MALRD1: variants seen among roughly 807,000 people sequenced by gnomAD.
MALRD1 encodes the protein MAM and LDL-receptor class A domain-containing protein 1.
MALRD1 carries 247 observed loss-of-function variants against 242.1 expected under a neutral mutation model. The observed-to-expected ratio is 1.02, with a 90% CI of 0.92 to 1.13. The LOEUF is 1.13. Ranked by LOEUF, MALRD1 falls within the 50% of genes most tolerant of loss-of-function variation. MALRD1 has a pLI of 0.00. For missense variants in MALRD1, 2,989 were observed against 2,533.1 expected (o/e 1.18, Z -3.86); for synonymous variants, 995 against 866.6 (o/e 1.15, Z -2.60).
At chr10:19,065,287 CAAAAAAA>C (rs1197670439) in intron 1 of MALRD1, among the ~76,000 whole-genome samples, 1 of 50,624 alleles carries the variant, frequency 2.0e-5, no homozygotes, top group South Asian at 1.1e-3. Flanking sequence ...AACGCTGTCT[CAAAAAAA>C]AAAAAAAAAA....
chr10:19,192,436 G>C (rs1030907870), intron 14 of MALRD1, among the ~76,000 whole-genome samples: 1 of 152,134 alleles, frequency 6.6e-6, no homozygotes, highest in Non-Finnish European at 1.5e-5. Context: ...AAGATGTAAG[G>C]AGCCACATGA....
chr10:19,087,989 A>G lies in MALRD1; in HGVS notation c.436-35A>G, dbSNP rs1382991144. ...TTTTGTCACATTTGGGGACTTCTTT[A>G]TCATAATTGTTTGGGTACTAATTGT... On this transcript the variant is annotated intron_variant, in intron 3 of 39. Coordinates refer to ENST00000454679, the MANE Select transcript of MALRD1 (RefSeq NM_001142308.3). The G allele has an allele frequency of 3.6e-5, 45 of 1,232,998 alleles. No individual in the cohort carries two copies. In the East Asian group the frequency reaches 4.1e-4, roughly 11 times the overall value. 76.4% of individuals were successfully genotyped at this position (1,232,998 alleles called of 1,614,324 possible). A position where few individuals can be genotyped will look rare whatever the true frequency, so the allele number is the denominator to read the frequency against.
At chr10:19,370,002 T>G (rs992620654) in intron 26 of MALRD1, among the ~76,000 whole-genome samples, 23 of 152,132 alleles carry the variant, frequency 1.5e-4, no homozygotes, top group African/African-American at 5.1e-4. Flanking sequence ...CACAGAGATA[T>G]TCTACTATAT....
intron 28 of MALRD1, among the ~76,000 whole-genome samples, chr10:19,418,587 G>C (rs1833599577): frequency 6.6e-6 from 1 of 152,166 alleles, no homozygotes; most frequent in East Asian, 1.9e-4. Context: ...ATGCTACACT[G>C]TTATGATCAT....
Position 19,331,731 on chromosome 10 carries a change from C to A in MALRD1, c.3901+149C>A, listed in dbSNP as rs1325369255. On this transcript the variant is annotated intron_variant, in intron 24 of 39. Transcript: ENST00000454679. ...TTTAACTTGACACATTCCCTCCTTT[C>A]TCTGAATAATTCATTTATAATCATA... The A allele has an allele frequency of 1.4e-5, 9 of 642,150 alleles. No individual in the cohort carries two copies. In the East Asian group the frequency reaches 1.9e-4, roughly 14 times the overall value. 39.8% of individuals were successfully genotyped at this position (642,150 alleles called of 1,614,324 possible).
In MALRD1 at chr10:19,124,518, G is replaced by T; in HGVS notation, c.797-6G>T. 1 of 1,233,612 alleles carries T rather than the reference G, an allele frequency of 8.1e-7. No individual in the cohort carries two copies. The highest frequency in any genetic ancestry group is 1.0e-6 in the Non-Finnish European group (1 of 988,026). 76.4% of individuals were successfully genotyped at this position (1,233,612 alleles called of 1,614,324 possible). On this transcript the variant is annotated splice_polypyrimidine_tract_variant and splice_region_variant and intron_variant, in intron 6 of 39. Coordinates refer to ENST00000454679, the MANE Select transcript of MALRD1 (RefSeq NM_001142308.3). ...TAGTCCACCAAGATCTTTTTCTCCC[G>T]TTTAGTGTGTCAGGCCTGTGGGTTT...
At chr10:19,349,161 A>T (rs773158107) in intron 25 of MALRD1, among the ~76,000 whole-genome samples, 1 of 152,120 alleles carries the variant, frequency 6.6e-6, no homozygotes, top group East Asian at 1.9e-4. Flanking sequence ...AGGTTTCACT[A>T]TGTTGCCCAG....
Position 19,327,621 on chromosome 10 carries a change from G to T in MALRD1, c.3635G>T (p.Gly1212Val), listed in dbSNP as rs943930103. The T allele has an allele frequency of 1.3e-5, 20 of 1,549,832 alleles. No homozygotes were observed. The highest frequency in any genetic ancestry group is 1.7e-5 in the Non-Finnish European group (20 of 1,146,444). ...TTGTGGGCTCAAACTGGACAGCAAGGTGCACAGTGGAAGAGAGCAGAAGTG... is the reference window on the plus strand; with the variant it reads ...TTGTGGGCTCAAACTGGACAGCAAGTTGCACAGTGGAAGAGAGCAGAAGTG... Reference protein sequence around the residue: ...SKLWAQTGQQGAQWKRAEVFL... With the variant: ...SKLWAQTGQQVAQWKRAEVFL... The change falls in exon 23 of 40, where the codon GGT becomes GTT. Residue 1212 changes from glycine (G) to valine (V), a missense_variant. By Grantham distance (109) the Gly-to-Val change is moderately radical. Coordinates refer to ENST00000454679, the MANE Select transcript of MALRD1 (RefSeq NM_001142308.3).
At chr10:19,673,248 A>G (rs1414984201) in intron 36 of MALRD1, among the ~76,000 whole-genome samples, 1 of 151,972 alleles carries the variant, frequency 6.6e-6, no homozygotes, top group African/African-American at 2.4e-5. Context: ...TTAACCGGGC[A>G]TGGTGGCGGG....
chr10:19,192,288 C>T (rs1289803885), intron 14 of MALRD1, among the ~76,000 whole-genome samples: 1 of 152,140 alleles, frequency 6.6e-6, no homozygotes, highest in African/African-American at 2.4e-5. Flanking sequence ...AATATGAAAG[C>T]ACTTAATACT....
At chr10:19,719,244 A>ATATATATG (rs1554830472) in intron 38 of MALRD1, among the ~76,000 whole-genome samples, 3,018 of 96,842 alleles carry the variant, frequency 0.031, 289 homozygotes, top group African/African-American at 0.085. Context: ...ATATATATAT[A>ATATATATG]TATATATATA....
chr10:19,460,506 A>G (rs1835887973), intron 29 of MALRD1, among the ~76,000 whole-genome samples: 1 of 152,080 alleles, frequency 6.6e-6, no homozygotes, highest in African/African-American at 2.4e-5. Flanking sequence ...TGTTTTGAAT[A>G]ATATGAAAAG....
At chr10:19,320,245 A>G (rs907996684) in intron 21 of MALRD1, among the ~76,000 whole-genome samples, 4 of 151,472 alleles carry the variant, frequency 2.6e-5, no homozygotes, top group African/African-American at 4.9e-5. Flanking sequence ...GACAGGCCCC[A>G]GTGTGTGATG....
chr10:19,501,370 A>G (rs1837961196), intron 31 of MALRD1, among the ~76,000 whole-genome samples: 1 of 152,186 alleles, frequency 6.6e-6, no homozygotes. Context: ...ATCTTTAGAA[A>G]TTGCCCCTGT....
intron 31 of MALRD1, among the ~76,000 whole-genome samples, chr10:19,527,577 A>G (rs552393057): frequency 6.6e-6 from 1 of 152,306 alleles, no homozygotes; most frequent in African/African-American, 2.4e-5. Context: ...ATTAAATAGA[A>G]TCTGCTTCTG....
chr10:19,323,718 C>T (rs1219851572), intron 21 of MALRD1, among the ~76,000 whole-genome samples: 1 of 152,128 alleles, frequency 6.6e-6, no homozygotes, highest in Non-Finnish European at 1.5e-5. Context: ...AAGTGATTCT[C>T]CTGCCTCAGC....
At chr10:19,380,489 A>G (rs546403499) in intron 26 of MALRD1, among the ~76,000 whole-genome samples, 2 of 151,948 alleles carry the variant, frequency 1.3e-5, no homozygotes, top group African/African-American at 4.8e-5. Context: ...ATTTCTTTTA[A>G]AAGTGTTTGG....
At chr10:19,247,890 T>C (rs540035378) in intron 18 of MALRD1, among the ~76,000 whole-genome samples, 2 of 152,166 alleles carry the variant, frequency 1.3e-5, no homozygotes, top group African/African-American at 4.8e-5. Context: ...GATTCACGAA[T>C]TGGGCAGCAC....
At chr10:19,346,544 A>G (rs1306266535) in intron 24 of MALRD1, among the ~76,000 whole-genome samples, 1 of 152,230 alleles carries the variant, frequency 6.6e-6, no homozygotes, top group Non-Finnish European at 1.5e-5. Context: ...GATTTTACAG[A>G]CTTTTATTTC....
Sources: allele counts gnomAD v4.1 joint callset (sites outside exome capture counted in the v4.1 genomes callset), GRCh38; gene constraint gnomAD v4.1.1; transcripts MANE v1.5; gene names NCBI Gene and HGNC (gene_info 2026-07-23, HGNC 2026-07-21).